The following UBR3 variants were observed in gnomAD, a reference collection of about 807,000 sequenced individuals.
UBR3 encodes the protein ubiquitin protein ligase E3 component n-recognin 3, also known as E3 ubiquitin-protein ligase UBR3.
In UBR3, 85 loss-of-function variants were observed where a neutral mutation model predicts 243.2. That is an observed-to-expected ratio of 0.35 (90% CI 0.29 to 0.42). The LOEUF is 0.42. UBR3 is among the 10% of genes least tolerant of loss of function. UBR3 has a pLI of 1.00. For missense variants in UBR3, 1,686 were observed against 2,300.8 expected (o/e 0.73, Z 5.47); for synonymous variants, 748 against 799.8 (o/e 0.94, Z 1.09).
chr2:169,952,292 A>G (rs978894582), intron 23 of UBR3, among the ~76,000 whole-genome samples: 1 of 152,190 alleles, frequency 6.6e-6, no homozygotes, highest in African/African-American at 2.4e-5. Flanking sequence ...AAGTTCAGAA[A>G]GCAAGAAACT....
intron 36 of UBR3, among the ~76,000 whole-genome samples, chr2:170,076,469 A>G (rs1233307168): frequency 1.3e-5 from 2 of 152,208 alleles, no homozygotes; most frequent in East Asian, 3.8e-4. Flanking sequence ...TTACATCATC[A>G]GGCCTCTCTG....
intron 35 of UBR3, among the ~76,000 whole-genome samples, chr2:170,066,927 G>A (rs539754142): frequency 1.8e-4 from 27 of 148,304 alleles, no homozygotes; most frequent in African/African-American, 4.4e-4. Context: ...TCGCGCCACC[G>A]CACTCCAGCC....
At chr2:169,903,933 A>T (rs2084921298) in intron 8 of UBR3, among the ~76,000 whole-genome samples, 1 of 152,224 alleles carries the variant, frequency 6.6e-6, no homozygotes, top group Admixed American at 6.5e-5. Flanking sequence ...CCAGGCTTTT[A>T]ACTTTGGGCA....
Position 169,928,770 on chromosome 2 carries a change from G to T in UBR3, c.2468G>T (p.Ser823Ile), listed in dbSNP as rs1444859335. Reference protein sequence around the residue: ...PNPKSGIIPGSYSFESVLSAV... With the variant: ...PNPKSGIIPGIYSFESVLSAV... ...CCCAAAAGTGGCATTATTCCAGGCAGTTACAGCTTTGAATCAGTTTTATCA... is the reference window on the plus strand; with the variant it reads ...CCCAAAAGTGGCATTATTCCAGGCATTTACAGCTTTGAATCAGTTTTATCA... Residue 823 changes from serine to isoleucine, a missense_variant, in exon 18 of 39, where the codon AGT becomes ATT. Coordinates refer to ENST00000272793, the MANE Select transcript of UBR3 (RefSeq NM_172070.4). 6.6e-7 allele frequency: 1 copy of T among 1,508,414 alleles called. No homozygotes were observed. The highest frequency in any genetic ancestry group is 2.0e-5 in the Admixed American group (1 of 50,586). The allele number at this position is 1,508,414 out of a possible 1,614,324, so 93.4% of individuals were successfully genotyped here.
intron 35 of UBR3, among the ~76,000 whole-genome samples, chr2:170,067,529 C>T (rs2091599481): frequency 6.6e-6 from 1 of 152,062 alleles, no homozygotes; most frequent in Admixed American, 6.6e-5. Context: ...TCTATAACTT[C>T]TCCAACAAAC....
rs1375325358 is a variant in UBR3 at position 170,067,053 on chromosome 2, GCA to G, written c.5019+5613_5019+5614del. 7.9e-5 allele frequency among the ~76,000 whole-genome samples: 12 copies of G among 151,640 alleles called. No homozygotes were observed. In the East Asian group the frequency reaches 2.3e-3, roughly 29 times the overall value. ...TCATTTTCCAGACAAGGAAGCAGGC[GCA>G]CAGAGATGAAGTAACTTGCTCAAGA... is the stretch of plus-strand genomic sequence containing the variant. On this transcript the variant is annotated intron_variant, in intron 35 of 38. Transcript: ENST00000272793.
intron 5 of UBR3, among the ~76,000 whole-genome samples, chr2:169,887,564 A>G (rs2084151389): frequency 6.6e-6 from 1 of 152,214 alleles, no homozygotes; most frequent in African/African-American, 2.4e-5. Context: ...CTGATAATAT[A>G]GTAATCTGTT....
chr2:170,069,100 G>A lies in UBR3; in HGVS notation c.5020-4328G>A, dbSNP rs564776858. ...TCCTGAACCTATTTCAGAAAATAAA[G>A]GAAGAAGGAACACTTCTGAACTCAA... On this transcript the variant is annotated intron_variant, in intron 35 of 38. Transcript: ENST00000272793. 6.6e-5 allele frequency among the ~76,000 whole-genome samples: 10 copies of A among 152,064 alleles called. No homozygotes were observed. The South Asian group carries it at 2.1e-3, about 32-fold the overall frequency.
intron 24 of UBR3, among the ~76,000 whole-genome samples, chr2:169,959,554 C>T (rs2087469428): frequency 6.6e-6 from 1 of 152,000 alleles, no homozygotes; most frequent in East Asian, 1.9e-4. Flanking sequence ...TTCAAAATCT[C>T]TATTAGGTTT....
chr2:169,829,658 C>T (rs562247760), intron 1 of UBR3, among the ~76,000 whole-genome samples: 1 of 152,286 alleles, frequency 6.6e-6, no homozygotes, highest in East Asian at 1.9e-4. Flanking sequence ...CTCCCGACCT[C>T]AGGTGATCCG....
intron 24 of UBR3, among the ~76,000 whole-genome samples, chr2:169,960,201 A>G (rs2087501474): frequency 6.7e-6 from 1 of 149,134 alleles, no homozygotes; most frequent in Non-Finnish European, 1.5e-5. Context: ...GTGAGCCAAG[A>G]TCATGCCATT....
intron 24 of UBR3, among the ~76,000 whole-genome samples, chr2:169,967,265 G>GCC (rs1400988737): frequency 2.6e-3 from 93 of 36,160 alleles, no homozygotes; most frequent in South Asian, 7.1e-3. Context: ...TGCGCCCCCC[G>GCC]CCCCCCCCCA....
At chr2:169,877,447 A>G (rs1345550960) in intron 3 of UBR3, 47 bp from the exon 4 acceptor site, 4 of 1,485,434 alleles carry the variant, frequency 2.7e-6, no homozygotes, top group African/African-American at 2.9e-5. Flanking sequence ...CCATACTGAG[A>G]TTTTGAATGG....
intron 22 of UBR3, 44 bp from the exon 23 acceptor site, chr2:169,949,561 A>AT (rs1391091288): frequency 2.1e-6 from 3 of 1,453,372 alleles, no homozygotes; most frequent in African/African-American, 2.9e-5. Context: ...ATGATGCTAA[A>AT]TAACTTCTCT....
chr2:169,999,057 A>G (rs2089599293), intron 26 of UBR3, among the ~76,000 whole-genome samples: 1 of 152,204 alleles, frequency 6.6e-6, no homozygotes, highest in Non-Finnish European at 1.5e-5. Flanking sequence ...GCATTTTTTG[A>G]CTGGCAAACT....
At chr2:170,011,667 T>A (rs1419047753) in intron 29 of UBR3, among the ~76,000 whole-genome samples, 1 of 151,060 alleles carries the variant, frequency 6.6e-6, no homozygotes, top group Non-Finnish European at 1.5e-5. Context: ...TGTCTTTTGG[T>A]TTTAAATTTT....
intron 5 of UBR3, among the ~76,000 whole-genome samples, chr2:169,890,540 G>GATAGATATATATATAT (rs1256571755): frequency 1.3e-5 from 1 of 76,018 alleles, no homozygotes; most frequent in African/African-American, 6.4e-5. Flanking sequence ...GAGAGAGAGA[G>GATAGATATATATATAT]ATATATATAT....
intron 24 of UBR3, among the ~76,000 whole-genome samples, chr2:169,985,224 C>CTTTTTTTTTTTTTTT (rs71006060): frequency 1.8e-5 from 2 of 113,122 alleles, no homozygotes; most frequent in Non-Finnish European, 3.6e-5. Context: ...CAACTCTTTT[C>CTTTTTTTTTTTTTTT]TTTTTTTTTT....
At chr2:169,992,595 T>G (rs1007823102) in intron 25 of UBR3, among the ~76,000 whole-genome samples, 1 of 152,218 alleles carries the variant, frequency 6.6e-6, no homozygotes, top group Admixed American at 6.5e-5. Context: ...AGCTTTTGTC[T>G]CTTATTTCTG....
Sources: allele counts gnomAD v4.1 joint callset (sites outside exome capture counted in the v4.1 genomes callset), GRCh38; gene constraint gnomAD v4.1.1; transcripts MANE v1.5; gene names NCBI Gene and HGNC (gene_info 2026-07-23, HGNC 2026-07-21).